Variants in NINJ2 observed in about 807,000 individuals in gnomAD.
NINJ2 encodes the protein ninjurin-2.
In NINJ2, 12 loss-of-function variants were observed where a neutral mutation model predicts 11.7. The ratio of observed to expected loss-of-function variants is 1.02; its 90% CI spans 0.66 to 1.66. The LOEUF is 1.66. Among genes scored for constraint, NINJ2 ranks in the 40% most tolerant of loss-of-function variants. The pLI, the probability that NINJ2 is intolerant of heterozygous loss-of-function variation, is 0.00. For synonymous variants in NINJ2, 93 were observed against 76.8 expected (o/e 1.21, Z -1.10); for missense variants, 187 against 181.8 (o/e 1.03, Z -0.16).
chr12:651,424 G>T (rs118119415), intron 1 of NINJ2, among the ~76,000 whole-genome samples: 4 of 152,136 alleles, frequency 2.6e-5, no homozygotes, highest in Non-Finnish European at 5.9e-5. Flanking sequence ...CAGTCCAGAG[G>T]CATGGGCTCA....
At chr12:573,568 G>A (rs2535418) in intron 1 of NINJ2, among the ~76,000 whole-genome samples, 56,177 of 151,608 alleles carry the variant, frequency 0.37, 11,629 homozygotes, top group Non-Finnish European at 0.48. Flanking sequence ...AACAGAGCAA[G>A]AGTCCATCTA....
intron 1 of NINJ2, among the ~76,000 whole-genome samples, chr12:604,273 G>A (rs564563767): frequency 6.6e-6 from 1 of 152,302 alleles, no homozygotes; most frequent in East Asian, 1.9e-4. Context: ...TAAGCTGCGA[G>A]GACAAAATAG....
intron 1 of NINJ2, among the ~76,000 whole-genome samples, chr12:651,713 G>GT (rs1937788902): frequency 6.6e-6 from 1 of 152,174 alleles, no homozygotes. Flanking sequence ...CAGATGGCAC[G>GT]CAAGAAGAGA....
At chr12:635,152 C>T (rs1235033779) in intron 1 of NINJ2, among the ~76,000 whole-genome samples, 1 of 151,882 alleles carries the variant, frequency 6.6e-6, no homozygotes, top group Non-Finnish European at 1.5e-5. Flanking sequence ...CTCCCCGGTT[C>T]AAGTGATCCT....
At chr12:662,145 G>A (rs2120556217) in intron 1 of NINJ2, among the ~76,000 whole-genome samples, 1 of 152,364 alleles carries the variant, frequency 6.6e-6, no homozygotes, top group East Asian at 1.9e-4. Flanking sequence ...AGACCTGAAT[G>A]TACTAGGAAG....
chr12:626,422 A>G (rs1211334793), intron 1 of NINJ2, among the ~76,000 whole-genome samples: 1 of 152,236 alleles, frequency 6.6e-6, no homozygotes, highest in East Asian at 1.9e-4. Context: ...TCTATTGCCC[A>G]GAACTAAGAA....
At chr12:626,713 G>A (rs1229778466) in intron 1 of NINJ2, among the ~76,000 whole-genome samples, 1 of 152,088 alleles carries the variant, frequency 6.6e-6, no homozygotes, top group Admixed American at 6.6e-5. Context: ...CAACCTTTCT[G>A]CACCTTAGTT....
chr12:642,031 C>A (rs1033688518), intron 1 of NINJ2, among the ~76,000 whole-genome samples: 1 of 152,208 alleles, frequency 6.6e-6, no homozygotes, highest in South Asian at 2.1e-4. Flanking sequence ...GCGTGGAAGG[C>A]GGGAAAGGGC....
intron 1 of NINJ2, among the ~76,000 whole-genome samples, chr12:654,800 G>T (rs1937849857): frequency 6.6e-6 from 1 of 151,656 alleles, no homozygotes; most frequent in Non-Finnish European, 1.5e-5. Flanking sequence ...GCTGAGGCAG[G>T]GGAATCACTT....
intron 1 of NINJ2, among the ~76,000 whole-genome samples, chr12:613,946 T>A (rs35239954): frequency 0.18 from 27,423 of 151,866 alleles, 2,576 homozygotes; most frequent in Middle Eastern, 0.33. Context: ...ATTAATTAAT[T>A]AATTAAAAAT....
intron 1 of NINJ2, chr12:631,093 C>G (rs1342345411): frequency 3.9e-5 from 6 of 152,192 alleles, no homozygotes; most frequent in Non-Finnish European, 8.8e-5. Flanking sequence ...CAGCCTCGGG[C>G]CGGGACTCGC....
At chr12:595,748 C>T (rs1270980716) in intron 1 of NINJ2, among the ~76,000 whole-genome samples, 4 of 151,736 alleles carry the variant, frequency 2.6e-5, no homozygotes, top group Admixed American at 6.6e-5. Context: ...AGTTAAACTC[C>T]GTCTTAGGGG....
chr12:612,313 G>A (rs951869644), intron 1 of NINJ2, among the ~76,000 whole-genome samples: 1 of 152,168 alleles, frequency 6.6e-6, no homozygotes, highest in African/African-American at 2.4e-5. Context: ...ACTCTGTGGG[G>A]TGTCGGGGCA....
chr12:663,382 C>T lies in NINJ2; in HGVS notation c.-22G>A. On this transcript the variant is annotated 5_prime_UTR_variant, in exon 1 of 4. Coordinates refer to ENST00000305108, the MANE Select transcript of NINJ2 (RefSeq NM_016533.6). Reference sequence around the variant, plus strand: ...CCATCTCGCTGCCCTCAAGTCCCTTCACACGCACCGGGTGCCGGGAACAGA... The same window carrying T: ...CCATCTCGCTGCCCTCAAGTCCCTTTACACGCACCGGGTGCCGGGAACAGA... The T allele has an allele frequency of 2.5e-6, 4 of 1,614,206 alleles. No individual in the cohort carries two copies. Among genetic ancestry groups the T allele is most frequent in the East Asian group, 2.2e-5 (1 of 44,888 alleles).
At chr12:627,610 C>T (rs1042925806) in intron 1 of NINJ2, among the ~76,000 whole-genome samples, 1 of 152,210 alleles carries the variant, frequency 6.6e-6, no homozygotes, top group African/African-American at 2.4e-5. Flanking sequence ...GGGCAGACTT[C>T]GTGGGTACAG....
intron 1 of NINJ2, among the ~76,000 whole-genome samples, chr12:604,003 T>C (rs886480524): frequency 1.3e-5 from 2 of 152,162 alleles, no homozygotes; most frequent in African/African-American, 4.8e-5. Flanking sequence ...ATAGAATTGG[T>C]GTATATGTCT....
chr12:606,309 A>G (rs914293592), intron 1 of NINJ2, among the ~76,000 whole-genome samples: 20 of 152,224 alleles, frequency 1.3e-4, no homozygotes, highest in Non-Finnish European at 2.4e-4. Context: ...CATAGAAAGT[A>G]GAACAAAAAG....
intron 1 of NINJ2, among the ~76,000 whole-genome samples, chr12:569,052 T>C (rs1024304059): frequency 6.6e-6 from 1 of 152,140 alleles, no homozygotes; most frequent in Non-Finnish European, 1.5e-5. Context: ...CCATCTTCCT[T>C]CGTGTTTGAT....
chr12:610,029 T>TC (rs11439779), intron 1 of NINJ2, among the ~76,000 whole-genome samples: 79,210 of 151,294 alleles, frequency 0.52, 21,049 homozygotes, highest in East Asian at 0.68. Flanking sequence ...TAGAGCATGA[T>TC]CCAAGTCGAT....
Sources: allele counts gnomAD v4.1 joint callset (sites outside exome capture counted in the v4.1 genomes callset), GRCh38; gene constraint gnomAD v4.1.1; transcripts MANE v1.5; gene names NCBI Gene and HGNC (gene_info 2026-07-23, HGNC 2026-07-21).